Variants in CNTN5 observed in about 807,000 individuals in gnomAD.
CNTN5 encodes contactin-5.
Under a neutral mutation model 129.1 loss-of-function variants are expected in CNTN5, and 77 were observed. That is an observed-to-expected ratio of 0.60 (90% CI 0.50 to 0.72). The LOEUF (loss-of-function observed/expected upper bound fraction) is 0.72. Among genes scored for constraint, CNTN5 ranks in the 30% least tolerant of loss-of-function variants. The pLI is 0.00. For missense variants in CNTN5, 1,478 were observed against 1,328.8 expected (o/e 1.11, Z -1.75); for synonymous variants, 509 against 465.6 (o/e 1.09, Z -1.20).
At chr11:99,700,310 C>G (rs146393584) in intron 3 of CNTN5, among the ~76,000 whole-genome samples, 5 of 151,494 alleles carry the variant, frequency 3.3e-5, no homozygotes, top group African/African-American at 1.2e-4. Flanking sequence ...GATCACACAA[C>G]TTGATAGTGA....
At chr11:99,133,005 G>A (rs752485214) in intron 1 of CNTN5, among the ~76,000 whole-genome samples, 13 of 151,858 alleles carry the variant, frequency 8.6e-5, no homozygotes, top group Non-Finnish European at 1.3e-4. Context: ...ACTTCAAACC[G>A]TACTACAAGG....
rs968549169 is a variant in CNTN5, at chr11:99,845,114, T to C, written c.429T>C (p.Asp143=). 5 of 1,613,702 alleles carry C rather than the reference T, an allele frequency of 3.1e-6. No homozygotes were observed. Among genetic ancestry groups the C allele is most frequent in the East Asian group, 2.2e-5 (1 of 44,824 alleles). ...YRWLRNGTEI[D]LESDYRYSLI... ...GGCTTCGAAATGGAACAGAAATAGA[T>C]CTGGAAAGTGATTATCGCTACAGTT... is the stretch of plus-strand genomic sequence containing the variant. Residue 143 remains aspartate (D), a synonymous_variant, in exon 6 of 25, where the codon GAT becomes GAC. Coordinates refer to ENST00000524871, the MANE Select transcript of CNTN5 (RefSeq NM_014361.4).
At chr11:99,330,047 G>A (rs1177099372) in intron 2 of CNTN5, among the ~76,000 whole-genome samples, 2 of 150,644 alleles carry the variant, frequency 1.3e-5, no homozygotes, top group African/African-American at 2.4e-5. Flanking sequence ...TTTAACCACC[G>A]AGTGGACTGA....
intron 2 of CNTN5, among the ~76,000 whole-genome samples, chr11:99,380,867 A>G (rs1940512296): frequency 6.6e-6 from 1 of 152,042 alleles, no homozygotes; most frequent in Admixed American, 6.6e-5. Context: ...CCATGTATAG[A>G]TACTGGGGTT....
chr11:99,402,114 C>A (rs1941843005), intron 2 of CNTN5, among the ~76,000 whole-genome samples: 1 of 152,120 alleles, frequency 6.6e-6, no homozygotes, highest in African/African-American at 2.4e-5. Flanking sequence ...TAGGGAATAA[C>A]AGTGATCATA....
chr11:99,088,328 C>T (rs1866085996), intron 1 of CNTN5, among the ~76,000 whole-genome samples: 1 of 151,880 alleles, frequency 6.6e-6, no homozygotes, highest in Admixed American at 6.6e-5. Flanking sequence ...GGTAAATATG[C>T]TTATATGATT....
intron 2 of CNTN5, among the ~76,000 whole-genome samples, chr11:99,522,908 T>G (rs939045399): frequency 3.3e-5 from 5 of 152,148 alleles, no homozygotes; most frequent in African/African-American, 1.2e-4. Flanking sequence ...CCAAACAAAT[T>G]TGATTAGGTC....
chr11:100,177,254 G>T (rs935626146), intron 13 of CNTN5, among the ~76,000 whole-genome samples: 1 of 152,126 alleles, frequency 6.6e-6, no homozygotes, highest in Non-Finnish European at 1.5e-5. Context: ...CTCCAAGTGA[G>T]ATGTCAGCTC....
chr11:99,235,120 C>T (rs1861201181), intron 1 of CNTN5, among the ~76,000 whole-genome samples: 1 of 151,272 alleles, frequency 6.6e-6, no homozygotes, highest in Non-Finnish European at 1.5e-5. Flanking sequence ...CATAAGCAGA[C>T]ATTAACATTC....
chr11:99,327,958 G>A (rs1326027868), intron 2 of CNTN5, among the ~76,000 whole-genome samples: 1 of 152,112 alleles, frequency 6.6e-6, no homozygotes, highest in East Asian at 1.9e-4. Flanking sequence ...ATGGCTCTAG[G>A]TTTATAGATT....
At chr11:99,159,566 G>A (rs2135510155) in intron 1 of CNTN5, among the ~76,000 whole-genome samples, 1 of 152,296 alleles carries the variant, frequency 6.6e-6, no homozygotes, top group Non-Finnish European at 1.5e-5. Context: ...AGGTTGCAGT[G>A]AGCCGAGATT....
intron 1 of CNTN5, among the ~76,000 whole-genome samples, chr11:99,136,757 G>A (rs755042): frequency 0.43 from 61,876 of 143,858 alleles, 12,866 homozygotes; most frequent in South Asian, 0.48. Flanking sequence ...ACAGATGGAC[G>A]GAAGAAGGCA....
intron 7 of CNTN5, among the ~76,000 whole-genome samples, chr11:99,933,638 G>A (rs1386466449): frequency 6.6e-6 from 1 of 152,176 alleles, no homozygotes; most frequent in East Asian, 1.9e-4. Flanking sequence ...ATTCAGGCAT[G>A]TTGCTGAGGC....
chr11:99,144,191 C>A (rs1859667913), intron 1 of CNTN5, among the ~76,000 whole-genome samples: 1 of 152,040 alleles, frequency 6.6e-6, no homozygotes, highest in African/African-American at 2.4e-5. Flanking sequence ...AACTGGCCAT[C>A]ATTTATTCAT....
intron 2 of CNTN5, among the ~76,000 whole-genome samples, chr11:99,444,143 G>A (rs1281509754): frequency 2.0e-5 from 3 of 152,016 alleles, no homozygotes; most frequent in Non-Finnish European, 4.4e-5. Flanking sequence ...AGGTTGCAGT[G>A]AGCCGAGATC....
In CNTN5 at chr11:99,089,711, ATTAAAGT is replaced by A. The variant is rs556969534; in HGVS notation, c.-210+68445_-210+68451del. ...TTTAAAGTATCTAAGTGTATTTTTA[ATTAAAGT>A]TTAGATAGCGAGTAAAACTCTAAAC... is the stretch of plus-strand genomic sequence containing the variant. On this transcript the variant is annotated intron_variant, in intron 1 of 24. Coordinates refer to ENST00000524871, the MANE Select transcript of CNTN5 (RefSeq NM_014361.4). Among the ~76,000 whole-genome samples the A allele has an allele frequency of 2.6e-5, 4 of 152,342 alleles. No individual in the cohort carries two copies. In the East Asian group the frequency reaches 7.7e-4, roughly 29 times the overall value.
At chr11:99,875,422 T>C (rs1387223574) in intron 6 of CNTN5, among the ~76,000 whole-genome samples, 1 of 152,158 alleles carries the variant, frequency 6.6e-6, no homozygotes, top group Non-Finnish European at 1.5e-5. Context: ...TAACAAGTTA[T>C]CAATTTTCTT....
At chr11:99,246,443 C>T (rs1349733170) in intron 1 of CNTN5, among the ~76,000 whole-genome samples, 5 of 152,078 alleles carry the variant, frequency 3.3e-5, no homozygotes, top group South Asian at 2.1e-4. Flanking sequence ...ATGGTAGGTA[C>T]GGATTTATAT....
At chr11:100,250,436 A>C (rs1398481968) in intron 16 of CNTN5, among the ~76,000 whole-genome samples, 1 of 151,842 alleles carries the variant, frequency 6.6e-6, no homozygotes, top group Non-Finnish European at 1.5e-5. Flanking sequence ...TTGAGGGTCT[A>C]ATTGTATGTC....
Sources: allele counts gnomAD v4.1 joint callset (sites outside exome capture counted in the v4.1 genomes callset), GRCh38; gene constraint gnomAD v4.1.1; transcripts MANE v1.5; gene names NCBI Gene and HGNC (gene_info 2026-07-23, HGNC 2026-07-21).